Variants in PIEZO2 observed in about 807,000 individuals in gnomAD.
PIEZO2 encodes the protein piezo-type mechanosensitive ion channel component 2.
Under a neutral mutation model 337.3 loss-of-function variants are expected in PIEZO2, and 172 were observed. That is an observed-to-expected ratio of 0.51 (90% confidence interval 0.45 to 0.58). The LOEUF is 0.58. PIEZO2 is among the 20% of genes least tolerant of loss of function. The pLI is 0.00. For missense variants in PIEZO2, 3,028 were observed against 3,391.3 expected (o/e 0.89, Z 2.66); for synonymous variants, 1,251 against 1,228.5 (o/e 1.02, Z -0.38).
chr18:10,848,651 A>G (rs2041440411), intron 7 of PIEZO2, among the ~76,000 whole-genome samples: 1 of 152,214 alleles, frequency 6.6e-6, no homozygotes, highest in African/African-American at 2.4e-5. Context: ...GAACTTGAGC[A>G]AACAAGTCCG....
At chr18:10,715,892 T>C in intron 37 of PIEZO2, 76 bp from the exon 38 acceptor site, 1 of 1,238,450 alleles carries the variant, frequency 8.1e-7, no homozygotes, top group Non-Finnish European at 1.1e-6. Context: ...CCCAGCGATG[T>C]TTTACCAAAG....
chr18:10,811,263 C>T (rs1312062459), intron 7 of PIEZO2, among the ~76,000 whole-genome samples: 2 of 152,126 alleles, frequency 1.3e-5, no homozygotes, highest in South Asian at 2.1e-4. Context: ...TTCCCTATGC[C>T]TCCACAACAA....
chr18:10,807,242 TC>T lies in PIEZO2; in HGVS notation c.949del (p.Asp317ThrfsTer9), dbSNP rs2040030079. The part of the protein sequence containing the change: ...LFGIKSVIQT[D>X]CSSTWKIIVN... ...TATGATCTTCCAAGTACTTGAACAG[TC>T]CGTTTGAATTACTGACTTGATACCA... is the stretch of plus-strand genomic sequence containing the variant. On this transcript the variant is annotated frameshift_variant, in exon 8 of 56. Transcript: ENST00000674853. LOFTEE classifies it high-confidence loss of function. The T allele has an allele frequency of 6.5e-7, 1 of 1,536,878 alleles. No individual in the cohort carries two copies. Among genetic ancestry groups the T allele is most frequent in the African/African-American group, 1.4e-5 (1 of 73,018 alleles).
At chr18:11,042,296 G>C (rs2037152808) in intron 2 of PIEZO2, among the ~76,000 whole-genome samples, 2 of 152,144 alleles carry the variant, frequency 1.3e-5, no homozygotes, top group Admixed American at 6.5e-5. Context: ...GAGGAGCCAG[G>C]AGCAGCTGTC....
Position 10,671,733 on chromosome 18 carries a change from C to A in PIEZO2, c.8392G>T (p.Val2798Phe), listed in dbSNP as rs1338945335. 1 of 1,613,756 alleles carries A rather than the reference C, an allele frequency of 6.2e-7. No homozygotes were observed. Among genetic ancestry groups the A allele is most frequent in the East Asian group, 2.2e-5 (1 of 44,840 alleles). The change falls in exon 56 of 56, where the codon GTC becomes TTC. Residue 2798 changes from valine (V) to phenylalanine (F), a missense_variant. Val to Phe is a conservative substitution (Grantham distance 50). Coordinates refer to ENST00000674853, the MANE Select transcript of PIEZO2 (RefSeq NM_001378183.1). ...GAAATCCCACTGAAGAATTCACGGA[C>A]AAATTTCCCAATCACAAGGACAACT... ...ASVVLVIGKF[V>F]REFFSGISHS...
intron 2 of PIEZO2, among the ~76,000 whole-genome samples, chr18:11,018,176 T>C (rs901241169): frequency 1.1e-4 from 17 of 150,754 alleles, no homozygotes; most frequent in African/African-American, 3.9e-4. Context: ...CTCCGGTTCC[T>C]GCCTCAGTCA....
intron 2 of PIEZO2, among the ~76,000 whole-genome samples, chr18:11,045,578 G>A (rs2037284243): frequency 6.6e-6 from 1 of 152,160 alleles, no homozygotes; most frequent in Admixed American, 6.5e-5. Flanking sequence ...TATGGTATGA[G>A]AAGTAAAGGA....
At position 11,103,950 on chromosome 18, in the gene PIEZO2, C is replaced by A. The variant is rs138664074; in HGVS notation, c.65-37728G>T. On this transcript the variant is annotated intron_variant, in intron 1 of 55. Transcript: ENST00000674853. ...AAGCGATTCTCCTGCCTCAGCCTCC[C>A]GAGTAGCTGGAACTACAGGCACGCA... Among the ~76,000 whole-genome samples, 277 of 152,184 alleles carry A rather than the reference C, an allele frequency of 1.8e-3. 2 individuals are homozygous for A. Among genetic ancestry groups the A allele is most frequent in the African/African-American group, 5.9e-3 (244 of 41,514 alleles).
chr18:10,884,600 C>G (rs534351108), intron 4 of PIEZO2, among the ~76,000 whole-genome samples: 18 of 152,166 alleles, frequency 1.2e-4, no homozygotes, highest in African/African-American at 4.3e-4. Context: ...CTGCCTGCTT[C>G]GTGGAGGTGG....
chr18:10,702,130 A>G lies in PIEZO2; in HGVS notation c.6300T>C (p.Phe2100=), dbSNP rs578207507. The stretch of plus-strand genomic sequence containing the variant: ...TCACCTCCACATTCTTATTCCAGGG[A>G]AAGAACCCAAATTGGAAGAAATACT... The part of the protein sequence containing the change: ...VVKYFFQFGF[F]PWNKNVEVNK... Residue 2100 remains phenylalanine, a synonymous_variant, in exon 43 of 56, where the codon TTT becomes TTC. Coordinates refer to ENST00000674853, the MANE Select transcript of PIEZO2 (RefSeq NM_001378183.1). The G allele has an allele frequency of 1.4e-5, 21 of 1,536,682 alleles. 1 individual carries two copies. In the South Asian group the frequency reaches 2.4e-4, roughly 17 times the overall value.
Position 10,794,958 on chromosome 18 carries a change from C to G in PIEZO2, c.1572G>C (p.Leu524=). 6.5e-7 allele frequency: 1 copy of G among 1,547,626 alleles called. No individual in the cohort carries two copies. The highest frequency in any genetic ancestry group is 8.7e-7 in the Non-Finnish European group (1 of 1,147,006). The change falls in exon 13 of 56, where the codon CTG becomes CTC. Residue 524 remains leucine, a synonymous_variant. Coordinates refer to ENST00000674853, the MANE Select transcript of PIEZO2 (RefSeq NM_001378183.1). This position sits in a 1 kb window ranked among gnomAD's most constrained non-coding sequence, Gnocchi z 6.6. ...TCATCCAAAGAGTGCACGACCAGATCAGCAGCACGAAGGTCAGCCAGCTGT... is the reference window on the plus strand; with the variant it reads ...TCATCCAAAGAGTGCACGACCAGATGAGCAGCACGAAGGTCAGCCAGCTGT... ...TYHSWLTFVL[L]IWSCTLWMIR... is the part of the protein sequence containing the mutation.
At chr18:10,910,803 A>G (rs1276225034) in intron 4 of PIEZO2, among the ~76,000 whole-genome samples, 1 of 152,120 alleles carries the variant, frequency 6.6e-6, no homozygotes, top group Non-Finnish European at 1.5e-5. Flanking sequence ...GAAGACATCA[A>G]TAGAAATATA....
At chr18:10,858,054 G>A (rs2041763205) in intron 5 of PIEZO2, among the ~76,000 whole-genome samples, 1 of 148,580 alleles carries the variant, frequency 6.7e-6, no homozygotes, top group Non-Finnish European at 1.5e-5. Flanking sequence ...GGGTGCGGTG[G>A]CTGACTCCTG....
At chr18:11,043,090 G>A (rs138127840) in intron 2 of PIEZO2, among the ~76,000 whole-genome samples, 16 of 152,242 alleles carry the variant, frequency 1.1e-4, no homozygotes, top group Non-Finnish European at 1.9e-4. Flanking sequence ...TGTTGTTAAC[G>A]TATGATGTCT....
intron 36 of PIEZO2, among the ~76,000 whole-genome samples, chr18:10,730,887 G>A (rs781151965): frequency 6.6e-6 from 1 of 151,790 alleles, no homozygotes. Context: ...CTACCACGCC[G>A]GGCTAATTTT....
chr18:10,873,354 C>T (rs2042185318), intron 4 of PIEZO2, among the ~76,000 whole-genome samples: 1 of 152,186 alleles, frequency 6.6e-6, no homozygotes, highest in Non-Finnish European at 1.5e-5. Context: ...GGCAATCTAA[C>T]TTCCCAAAAG....
In PIEZO2 at chr18:10,672,555, C is replaced by T; in HGVS notation, c.8345+135G>A. 1 of 971,238 alleles carries T rather than the reference C, an allele frequency of 1.0e-6. No individual in the cohort carries two copies. Among genetic ancestry groups the T allele is most frequent in the East Asian group, 2.5e-5 (1 of 39,396 alleles). The allele number at this position is 971,238 out of a possible 1,614,324, so 60.2% of individuals were successfully genotyped here. The stretch of plus-strand genomic sequence containing the variant: ...GCCTCATTTTTTGAAATAAAATGCA[C>T]ACAAGGATGTGTGCATTTTAATACT... On this transcript the variant is annotated intron_variant, in intron 55 of 55. Coordinates refer to ENST00000674853, the MANE Select transcript of PIEZO2 (RefSeq NM_001378183.1). The surrounding 1 kb of genome is among the most constrained non-coding windows in gnomAD (Gnocchi z 4.7).
chr18:10,763,331 A>T, intron 21 of PIEZO2: 1 of 536,220 alleles, frequency 1.9e-6, no homozygotes, highest in Non-Finnish European at 3.3e-6. Context: ...AGGTGACATC[A>T]ATATCATGTA....
chr18:10,683,737 G>A (rs2034381974), intron 49 of PIEZO2, among the ~76,000 whole-genome samples: 2 of 152,078 alleles, frequency 1.3e-5, no homozygotes, highest in Admixed American at 1.3e-4. Context: ...TAGATCATAG[G>A]CCACTCCTGT....
Sources: gnomAD v4.1 joint callset for allele counts (sites outside exome capture counted in the v4.1 genomes callset) on GRCh38, gnomAD v4.1.1 for gene constraint, Gnocchi (gnomAD v3.1) non-coding constraint, MANE v1.5 for transcripts, NCBI Gene and HGNC (gene_info 2026-07-23, HGNC 2026-07-21) for gene names.